EIF3F: variants seen among roughly 807,000 people sequenced by gnomAD.
EIF3F encodes the protein eukaryotic translation initiation factor 3 subunit F, also known as deubiquitinating enzyme eIF3f.
EIF3F carries 8 observed loss-of-function variants against 36.0 expected under a neutral mutation model. The ratio of observed to expected loss-of-function variants is 0.22; its 90% CI spans 0.13 to 0.40. EIF3F has a LOEUF of 0.40. Ranked by LOEUF, EIF3F falls within the 10% of genes least tolerant of loss-of-function variation. The pLI, the probability that EIF3F is intolerant of heterozygous loss-of-function variation, is 1.00. For missense variants in EIF3F, 430 were observed against 467.6 expected, an observed-to-expected ratio of 0.92 and a Z score of 0.74; for synonymous variants, 184 against 188.5, an observed-to-expected ratio of 0.98 and a Z score of 0.19.
rs1440601457 is a variant in EIF3F, at chr11:7,997,837, A to G, written c.*1815A>G. 2 of 152,216 alleles carry G rather than the reference A, an allele frequency of 1.3e-5. No individual in the cohort carries two copies. The highest frequency in any genetic ancestry group is 2.9e-5 in the Non-Finnish European group (2 of 68,040). The allele number at this position is 152,216 out of a possible 1,614,324, so 9.4% of individuals were successfully genotyped here. On this transcript the variant is annotated 3_prime_UTR_variant, in exon 8 of 8. Coordinates refer to ENST00000651655, the MANE Select transcript of EIF3F (RefSeq NM_003754.3). ...TACAGGTTGAAAATATTGAGGGGGA[A>G]AATTGTGTCTGGACTAAACCTGTAC...
At position 8,001,298 on chromosome 11, in the gene EIF3F, A is replaced by C. The variant is rs572209750; in HGVS notation, c.*5276A>C. On this transcript the variant is annotated 3_prime_UTR_variant, in exon 8 of 8. Coordinates refer to ENST00000651655, the MANE Select transcript of EIF3F (RefSeq NM_003754.3). ...TGCTGGTAGACATATAAGTTGGTAC[A>C]GCCCTCTCTATGTAATTTTGTGTTT... 8 of 152,376 alleles carry C rather than the reference A, an allele frequency of 5.3e-5. No homozygotes were observed. The East Asian group carries it at 1.3e-3, about 26-fold the overall frequency. 9.4% of individuals were successfully genotyped at this position (152,376 alleles called of 1,614,324 possible).
chr11:7,992,446 C>G lies in EIF3F; in HGVS notation c.515+283C>G, dbSNP rs776633858. The G allele has an allele frequency of 6.3e-6, 3 of 473,186 alleles. No individual in the cohort carries two copies. In the East Asian group the frequency reaches 1.2e-4, roughly 20 times the overall value. 29.3% of individuals were successfully genotyped at this position (473,186 alleles called of 1,614,324 possible). On this transcript the variant is annotated intron_variant, in intron 3 of 7. Transcript: ENST00000651655. ...ACTTAGCCAGGCATGATGACACACA[C>G]CTATAGTCCTAGCTATTCAGGAGGC...
intron 1 of EIF3F, 155 bp downstream of exon 1, chr11:7,987,871 C>A: frequency 8.5e-7 from 1 of 1,183,390 alleles, no homozygotes; most frequent in Non-Finnish European, 1.1e-6. Context: ...CTACCTTTTG[C>A]TGTGACTTAT....
At chr11:7,987,779 C>T (rs1187624243) in intron 1 of EIF3F, 63 bp downstream of exon 1, 3 of 1,412,020 alleles carry the variant, frequency 2.1e-6, no homozygotes, top group Non-Finnish European at 2.8e-6. Flanking sequence ...TCTCACTCCC[C>T]TAACTCATTA....
At chr11:7,992,565 C>A (rs3903047) in intron 3 of EIF3F, 72,600 of 437,598 alleles carry the variant, frequency 0.17, 6,981 homozygotes, top group African/African-American at 0.3. Context: ...TGACAGAGTG[C>A]GACCCTGTCT....
In EIF3F at chr11:8,000,731, A is replaced by G. The variant is rs984279093; in HGVS notation, c.*4709A>G. ...AAGATAGATTACTTAAGAGCGAATGAGTGGTAATTTGGAAACAATGTTGGA... is the reference window on the plus strand; with the variant it reads ...AAGATAGATTACTTAAGAGCGAATGGGTGGTAATTTGGAAACAATGTTGGA... On this transcript the variant is annotated 3_prime_UTR_variant, in exon 8 of 8. Transcript: ENST00000651655. 7 of 152,186 alleles carry G rather than the reference A, an allele frequency of 4.6e-5. No individual in the cohort carries two copies. Among genetic ancestry groups the G allele is most frequent in the African/African-American group, 1.7e-4 (7 of 41,448 alleles). 9.4% of individuals were successfully genotyped at this position (152,186 alleles called of 1,614,324 possible).
At chr11:7,994,352 G>C (rs1942136998) in intron 4 of EIF3F, 74 bp from the exon 5 acceptor site, 2 of 1,321,720 alleles carry the variant, frequency 1.5e-6, no homozygotes, top group Non-Finnish European at 2.1e-6. Flanking sequence ...TGCTGTATCT[G>C]CTTTCTCAGC....
In EIF3F at chr11:7,999,316, G is replaced by C. The variant is rs1028136179; in HGVS notation, c.*3294G>C. On this transcript the variant is annotated 3_prime_UTR_variant, in exon 8 of 8. Coordinates refer to ENST00000651655, the MANE Select transcript of EIF3F (RefSeq NM_003754.3). ...GTTTTTAAAAAATTAGTACTACCCA[G>C]TTGATACGGTGGAAGAAAACTTGAA... is the stretch of plus-strand genomic sequence containing the variant. 2 of 152,150 alleles carry C rather than the reference G, an allele frequency of 1.3e-5. No homozygotes were observed. The highest frequency in any genetic ancestry group is 2.9e-5 in the Non-Finnish European group (2 of 68,020). The allele number at this position is 152,150 out of a possible 1,614,324, so 9.4% of individuals were successfully genotyped here. A position where few individuals can be genotyped will look rare whatever the true frequency, so the allele number is the denominator to read the frequency against.
At position 7,997,338 on chromosome 11, in the gene EIF3F, G is replaced by C. The variant is rs1176373151; in HGVS notation, c.*1316G>C. ...GGAGTAGCCAGTTAATATCAACTTA[G>C]TCTTTTTAAGTATGCATGATAAAAT... On this transcript the variant is annotated 3_prime_UTR_variant, in exon 8 of 8. Coordinates refer to ENST00000651655, the MANE Select transcript of EIF3F (RefSeq NM_003754.3). The C allele has an allele frequency of 1.3e-5, 2 of 152,144 alleles. No homozygotes were observed. The highest frequency in any genetic ancestry group is 6.5e-5 in the Admixed American group (1 of 15,272). 9.4% of individuals were successfully genotyped at this position (152,144 alleles called of 1,614,324 possible).
At chr11:7,988,978 T>A (rs1166828977) in intron 1 of EIF3F, among the ~76,000 whole-genome samples, 1 of 152,242 alleles carries the variant, frequency 6.6e-6, no homozygotes, top group African/African-American at 2.4e-5. Flanking sequence ...CTTAAATTCA[T>A]ATCTTCTGAA....
Position 7,993,022 on chromosome 11 carries a change from C to T in EIF3F, c.651C>T (p.Val217=). ...QNGRMSIKAY[V]STLMGVPGRT... ...GCCGCATGAGCATCAAAGCCTACGT[C>T]AGGTGACCACAGTCTTGGGCTACAA... The change falls in exon 4 of 8, where the codon GTC becomes GTT. Residue 217 remains valine, a splice_region_variant and synonymous_variant. Coordinates refer to ENST00000651655, the MANE Select transcript of EIF3F (RefSeq NM_003754.3). 1.3e-6 allele frequency: 2 copies of T among 1,590,046 alleles called. No homozygotes were observed. Among genetic ancestry groups the T allele is most frequent in the Non-Finnish European group, 1.7e-6 (2 of 1,167,648 alleles).
At chr11:7,992,406 A>T (rs1942107961) in intron 3 of EIF3F, 1 of 535,752 alleles carries the variant, frequency 1.9e-6, no homozygotes, top group Admixed American at 3.5e-5. Context: ...GTCTCTACAA[A>T]AACATTTTTT....
chr11:7,995,484 A>G lies in EIF3F; in HGVS notation c.996+117A>G, dbSNP rs191445601. ...TGGAGTAGGATAGAGACAGGGCTTCACCTATAGCCCCACTGAAGTCCAGGT... is the reference window on the plus strand; with the variant it reads ...TGGAGTAGGATAGAGACAGGGCTTCGCCTATAGCCCCACTGAAGTCCAGGT... On this transcript the variant is annotated intron_variant, in intron 7 of 7. Coordinates refer to ENST00000651655, the MANE Select transcript of EIF3F (RefSeq NM_003754.3). 1.8e-5 allele frequency: 15 copies of G among 856,954 alleles called. No homozygotes were observed. The African/African-American group carries it at 1.8e-4, about 10-fold the overall frequency. The allele number at this position is 856,954 out of a possible 1,614,324, so 53.1% of individuals were successfully genotyped here.
At position 8,000,228 on chromosome 11, in the gene EIF3F, C is replaced by G. The variant is rs992275583; in HGVS notation, c.*4206C>G. ...CATCTCAAAAAAAAAAAAGGTACAT[C>G]TACACAATGGAATATTATTAACCTT... On this transcript the variant is annotated 3_prime_UTR_variant, in exon 8 of 8. Transcript: ENST00000651655. The G allele has an allele frequency of 6.6e-6, 1 of 151,540 alleles. No homozygotes were observed. 9.4% of individuals were successfully genotyped at this position (151,540 alleles called of 1,614,324 possible). A position where few individuals can be genotyped will look rare whatever the true frequency, so the allele number is the denominator to read the frequency against.
chr11:7,987,852 A>G (rs1156858095), intron 1 of EIF3F, 136 bp downstream of exon 1: 33 of 1,257,354 alleles, frequency 2.6e-5, no homozygotes, highest in Non-Finnish European at 3.2e-5. Flanking sequence ...CTTAATCTAT[A>G]TCTGCATCCT....
Position 7,998,223 on chromosome 11 carries a change from TG to T in EIF3F, c.*2204del, listed in dbSNP as rs1378958422. On this transcript the variant is annotated 3_prime_UTR_variant, in exon 8 of 8. Transcript: ENST00000651655. Reference sequence around the variant, plus strand: ...ACAGGGTTGGGTTCCTATGAACCTCTGGGCACAGTTTCATCAACCCATCAGT... The same window carrying T: ...ACAGGGTTGGGTTCCTATGAACCTCTGGCACAGTTTCATCAACCCATCAGT... 6.6e-6 allele frequency: 1 copy of T among 152,252 alleles called. No homozygotes were observed. The highest frequency in any genetic ancestry group is 2.4e-5 in the African/African-American group (1 of 41,452). 9.4% of individuals were successfully genotyped at this position (152,252 alleles called of 1,614,324 possible).
At position 7,995,070 on chromosome 11, in the gene EIF3F, C is replaced by A; in HGVS notation, c.834C>A (p.Arg278=). 1 of 1,614,012 alleles carries A rather than the reference C, an allele frequency of 6.2e-7. No homozygotes were observed. Among genetic ancestry groups the A allele is most frequent in the South Asian group, 1.1e-5 (1 of 91,076 alleles). ...AGCAAGTAGGAGGGGCATCAGCTCG[C>A]ATCCAGGATGCCCTGAGTACAGTGT... ...DLQQVGGASA[R]IQDALSTVLQ... is the part of the protein sequence containing the mutation. The change falls in exon 6 of 8, where the codon CGC becomes CGA. Residue 278 remains arginine (R), a synonymous_variant. Coordinates refer to ENST00000651655, the MANE Select transcript of EIF3F (RefSeq NM_003754.3).
In EIF3F at chr11:7,992,873, G is replaced by A. The variant is rs751470741; in HGVS notation, c.516-14G>A. 4 of 1,613,774 alleles carry A rather than the reference G, an allele frequency of 2.5e-6. No homozygotes were observed. Among genetic ancestry groups the A allele is most frequent in the Non-Finnish European group, 3.4e-6 (4 of 1,180,008 alleles). ...CATATAGACAGGAGTCCACCACTGT[G>A]TTCCATTTCACAGGTACGCTACGGG... On this transcript the variant is annotated splice_polypyrimidine_tract_variant and intron_variant, in intron 3 of 7. Coordinates refer to ENST00000651655, the MANE Select transcript of EIF3F (RefSeq NM_003754.3).
intron 1 of EIF3F, among the ~76,000 whole-genome samples, chr11:7,990,901 A>G (rs868635957): frequency 1.8e-5 from 1 of 56,396 alleles, no homozygotes; most frequent in Non-Finnish European, 5.2e-5. Context: ...ATAAATAAAT[A>G]AAAGAAATAC....
Sources: allele counts gnomAD v4.1 joint callset (sites outside exome capture counted in the v4.1 genomes callset), GRCh38; gene constraint gnomAD v4.1.1; transcripts MANE v1.5; gene names NCBI Gene and HGNC (gene_info 2026-07-23, HGNC 2026-07-21).